ARHGAP28: variants seen among roughly 807,000 people sequenced by gnomAD.
ARHGAP28 encodes rho GTPase-activating protein 28.
A neutral mutation model predicts 90.7 loss-of-function variants in ARHGAP28; 56 were observed. That is an observed-to-expected ratio of 0.62 (90% CI 0.50 to 0.77). ARHGAP28 has a LOEUF of 0.77. ARHGAP28 is among the 30% of genes least tolerant of loss of function. The pLI, the probability that ARHGAP28 is intolerant of heterozygous loss-of-function variation, is 0.00. For missense variants in ARHGAP28, 869 were observed against 900.9 expected (o/e 0.96, Z 0.45); for synonymous variants, 308 against 323.3 (o/e 0.95, Z 0.51).
intron 1 of ARHGAP28, among the ~76,000 whole-genome samples, chr18:6,764,092 A>G (rs2056182275): frequency 6.6e-6 from 1 of 152,348 alleles, no homozygotes; most frequent in African/African-American, 2.4e-5. Flanking sequence ...CCATGGAAGG[A>G]GTCCTCGTAG....
At chr18:6,906,137 G>A (rs2057363505) in intron 16 of ARHGAP28, among the ~76,000 whole-genome samples, 1 of 151,952 alleles carries the variant, frequency 6.6e-6, no homozygotes, top group African/African-American at 2.4e-5. Flanking sequence ...AGATATTAAG[G>A]CTGATTATAT....
intron 4 of ARHGAP28, among the ~76,000 whole-genome samples, chr18:6,853,515 C>A (rs1370913671): frequency 6.6e-6 from 1 of 151,420 alleles, no homozygotes; most frequent in Admixed American, 6.6e-5. Flanking sequence ...TCTTGTTGTC[C>A]AAGCTGGAGT....
chr18:6,764,012 G>GA (rs1317931732), intron 1 of ARHGAP28, among the ~76,000 whole-genome samples: 1 of 151,864 alleles, frequency 6.6e-6, no homozygotes, highest in African/African-American at 2.4e-5. Context: ...TCAAACTAAA[G>GA]AAAAAAATAG....
chr18:6,758,299 T>C (rs2056129064), intron 1 of ARHGAP28, among the ~76,000 whole-genome samples: 1 of 152,044 alleles, frequency 6.6e-6, no homozygotes, highest in African/African-American at 2.4e-5. Context: ...TTTGCTTCGG[T>C]TTAGGGCAGA....
chr18:6,803,291 A>G (rs576522085), intron 1 of ARHGAP28, among the ~76,000 whole-genome samples: 2 of 152,288 alleles, frequency 1.3e-5, no homozygotes, highest in East Asian at 3.9e-4. Flanking sequence ...TTTTACAGGA[A>G]AGGATGCTGG....
intron 1 of ARHGAP28, among the ~76,000 whole-genome samples, chr18:6,762,083 T>C (rs1035801366): frequency 2.6e-5 from 4 of 152,230 alleles, no homozygotes; most frequent in Non-Finnish European, 4.4e-5. Context: ...TCCTTCCCTC[T>C]ACCAATCACC....
At chr18:6,757,405 T>C (rs1046748856) in intron 1 of ARHGAP28, among the ~76,000 whole-genome samples, 5 of 152,232 alleles carry the variant, frequency 3.3e-5, no homozygotes, top group Middle Eastern at 3.4e-3. Context: ...GAGGCAGAGA[T>C]AAATGAGAAC....
At chr18:6,801,824 C>A (rs2056484255) in intron 1 of ARHGAP28, among the ~76,000 whole-genome samples, 1 of 152,010 alleles carries the variant, frequency 6.6e-6, no homozygotes, top group East Asian at 1.9e-4. Flanking sequence ...TATAAATAGC[C>A]CACCGGTCAC....
chr18:6,849,401 A>C (rs1458794160), intron 3 of ARHGAP28, among the ~76,000 whole-genome samples: 2 of 152,276 alleles, frequency 1.3e-5, no homozygotes, highest in African/African-American at 2.4e-5. Flanking sequence ...GGTGGCAGGC[A>C]CTGTCCTGTC....
chr18:6,770,044 A>G (rs1168300738), intron 1 of ARHGAP28, among the ~76,000 whole-genome samples: 1 of 152,206 alleles, frequency 6.6e-6, no homozygotes, highest in East Asian at 1.9e-4. Context: ...AGCTGGTAGG[A>G]AATTAGCTAT....
At position 6,896,583 on chromosome 18, in the gene ARHGAP28, A is replaced by C. The variant is rs763546832; in HGVS notation, c.1987A>C (p.Thr663Pro). The change falls in exon 16 of 18, where the codon ACC becomes CCC. Residue 663 changes from threonine to proline, a missense_variant. Thr to Pro is a conservative substitution (Grantham distance 38, BLOSUM62 -1). Transcript: ENST00000383472. ...VSMAIQLNNQ[T>P]KAKDILAKFQ... Reference sequence around the variant, plus strand: ...CATGGCCATTCAACTCAACAATCAAACCAAAGCCAAAGACATATTGGCAAA... The same window carrying C: ...CATGGCCATTCAACTCAACAATCAACCCAAAGCCAAAGACATATTGGCAAA... 6.8e-6 allele frequency: 11 copies of C among 1,614,124 alleles called. No individual in the cohort carries two copies. The highest frequency in any genetic ancestry group is 9.3e-6 in the Non-Finnish European group (11 of 1,180,010).
chr18:6,855,106 G>T (rs986098954), intron 4 of ARHGAP28, among the ~76,000 whole-genome samples: 1 of 152,222 alleles, frequency 6.6e-6, no homozygotes, highest in Non-Finnish European at 1.5e-5. Flanking sequence ...TGGGCACTGC[G>T]GATGGCATGT....
chr18:6,787,703 GT>G (rs2056376558), intron 1 of ARHGAP28, among the ~76,000 whole-genome samples: 2 of 152,140 alleles, frequency 1.3e-5, no homozygotes, highest in Non-Finnish European at 2.9e-5. Flanking sequence ...CCCCATGGGT[GT>G]TTTTTGTTTC....
At chr18:6,904,369 G>C (rs919537830) in intron 16 of ARHGAP28, among the ~76,000 whole-genome samples, 1 of 152,180 alleles carries the variant, frequency 6.6e-6, no homozygotes, top group Non-Finnish European at 1.5e-5. Flanking sequence ...ACTCCAGCCT[G>C]GGTGACAGAG....
chr18:6,778,780 T>G (rs1486140929), intron 1 of ARHGAP28, among the ~76,000 whole-genome samples: 7 of 152,214 alleles, frequency 4.6e-5, no homozygotes, highest in Admixed American at 1.3e-4. Context: ...AAGACCTTTT[T>G]GAGTGACTGT....
At chr18:6,804,298 A>G (rs773730792) in intron 1 of ARHGAP28, among the ~76,000 whole-genome samples, 2 of 152,070 alleles carry the variant, frequency 1.3e-5, no homozygotes, top group Non-Finnish European at 2.9e-5. Flanking sequence ...CACCTCTCTC[A>G]TTGCTGGTAT....
chr18:6,837,665 TTCTTTGGCAGTGGAACAAG>T (rs1268990143), intron 3 of ARHGAP28, among the ~76,000 whole-genome samples: 1 of 152,176 alleles, frequency 6.6e-6, no homozygotes, highest in East Asian at 1.9e-4. Context: ...AGAGAGTGAC[TTCTTTGGCAGTGGAACAAG>T]TCTTTGTGGG....
intron 4 of ARHGAP28, among the ~76,000 whole-genome samples, chr18:6,858,570 T>C (rs2056972554): frequency 6.6e-6 from 1 of 150,662 alleles, no homozygotes; most frequent in East Asian, 2.0e-4. Flanking sequence ...TGAGACAGAG[T>C]TTTGCTCTTG....
Position 6,785,156 on chromosome 18 carries a change from C to A in ARHGAP28, c.123-39606C>A, listed in dbSNP as rs57804238. On this transcript the variant is annotated intron_variant, in intron 1 of 17. Coordinates refer to ENST00000383472, the MANE Select transcript of ARHGAP28 (RefSeq NM_001366230.1). The stretch of plus-strand genomic sequence containing the variant: ...AATAACTTCGTAATTAGGTTCTCTT[C>A]TTTTATCATCTGTAAGGAATACTCC... 4.6e-3 allele frequency among the ~76,000 whole-genome samples: 694 copies of A among 152,262 alleles called. 5 individuals carry two copies. The highest frequency in any genetic ancestry group is 0.013 in the African/African-American group (556 of 41,556).
Sources: gnomAD v4.1 joint callset for allele counts (sites outside exome capture counted in the v4.1 genomes callset) on GRCh38, gnomAD v4.1.1 for gene constraint, MANE v1.5 for transcripts, NCBI Gene and HGNC (gene_info 2026-07-23, HGNC 2026-07-21) for gene names.